Variants in NUP98 observed in about 807,000 individuals in gnomAD.
NUP98 encodes the protein nucleoporin 98 and 96 precursor, also known as nuclear pore complex protein Nup98-Nup96.
Under a neutral mutation model 191.9 loss-of-function variants are expected in NUP98, and 26 were observed. The ratio of observed to expected loss-of-function variants is 0.14; its 90% CI spans 0.10 to 0.19. The LOEUF is 0.19. Among genes scored for constraint, NUP98 ranks in the 10% least tolerant of loss-of-function variants. The pLI is 1.00. For synonymous variants in NUP98, 808 were observed against 778.4 expected, an observed-to-expected ratio of 1.04 and a Z score of -0.63; for missense variants, 1,941 against 2,178.8, an observed-to-expected ratio of 0.89 and a Z score of 2.17.
intron 16 of NUP98, among the ~76,000 whole-genome samples, chr11:3,721,634 G>A (rs1354789597): frequency 6.6e-6 from 1 of 152,038 alleles, no homozygotes; most frequent in East Asian, 1.9e-4. Flanking sequence ...GGGAGGCAGA[G>A]GATGCAGTGA....
At chr11:3,737,328 A>G (rs1255415554) in intron 12 of NUP98, among the ~76,000 whole-genome samples, 1 of 150,926 alleles carries the variant, frequency 6.6e-6, no homozygotes, top group African/African-American at 2.4e-5. Flanking sequence ...TAACAAAAAA[A>G]AAAAAAAAAA....
intron 12 of NUP98, among the ~76,000 whole-genome samples, chr11:3,741,124 T>C (rs1419409559): frequency 6.6e-6 from 1 of 151,434 alleles, no homozygotes; most frequent in Non-Finnish European, 1.5e-5. Flanking sequence ...GCCCAGCCTA[T>C]TTTTAATCTT....
chr11:3,774,562 T>C (rs1362557888), intron 5 of NUP98, among the ~76,000 whole-genome samples: 3 of 151,876 alleles, frequency 2.0e-5, no homozygotes, highest in African/African-American at 7.3e-5. Context: ...CCATCTCTAC[T>C]AAAAATACAA....
intron 2 of NUP98, 77 bp downstream of exon 2, chr11:3,781,945 TAAAAATAAAATTCCCACCTA>T: frequency 1.5e-6 from 1 of 684,552 alleles, no homozygotes; most frequent in South Asian, 2.2e-5. Context: ...AATATGAAAG[TAAAAATAAAATTCCCACCTA>T]AAGCTTATCA....
intron 1 of NUP98, among the ~76,000 whole-genome samples, chr11:3,794,624 G>C (rs558236895): frequency 4.6e-5 from 7 of 151,946 alleles, no homozygotes; most frequent in South Asian, 2.1e-4. Flanking sequence ...ACCACACCAC[G>C]CCTTTGTTTT....
At chr11:3,734,861 G>A (rs993080439) in intron 13 of NUP98, among the ~76,000 whole-genome samples, 4 of 152,034 alleles carry the variant, frequency 2.6e-5, no homozygotes, top group Non-Finnish European at 5.9e-5. Flanking sequence ...CCAGGAGTTC[G>A]ATACTAGCAA....
intron 29 of NUP98, among the ~76,000 whole-genome samples, chr11:3,685,242 A>G (rs184206866): frequency 8.3e-4 from 127 of 152,356 alleles, no homozygotes; most frequent in Non-Finnish European, 1.4e-3. Context: ...AACCGCAGTG[A>G]AAAGGCATTT....
rs183331015 is a variant in NUP98 at position 3,756,097 on chromosome 11, T to C, written c.1175-2689A>G. On this transcript the variant is annotated intron_variant, in intron 10 of 32. Transcript: ENST00000324932. ...GCCACAAAAATGGGGTGCTGCCTAC[T>C]CAAGCATCATCAATTTTCCTTGATG... Among the ~76,000 whole-genome samples, 7 of 152,344 alleles carry C rather than the reference T, an allele frequency of 4.6e-5. No individual in the cohort carries two copies. In the East Asian group the frequency reaches 1.3e-3, roughly 29 times the overall value.
chr11:3,771,259 G>A (rs964382224), intron 7 of NUP98, among the ~76,000 whole-genome samples: 1 of 152,118 alleles, frequency 6.6e-6, no homozygotes, highest in African/African-American at 2.4e-5. Flanking sequence ...GTCAATATAG[G>A]AGACTTCAGA....
At chr11:3,677,604 T>C (rs2077859139) in intron 31 of NUP98, among the ~76,000 whole-genome samples, 1 of 152,080 alleles carries the variant, frequency 6.6e-6, no homozygotes, top group South Asian at 2.1e-4. Context: ...ATTGCTGCTT[T>C]ACTTGTATGT....
At chr11:3,695,032 G>A (rs755343573) in intron 26 of NUP98, among the ~76,000 whole-genome samples, 6 of 152,110 alleles carry the variant, frequency 3.9e-5, no homozygotes, top group Non-Finnish European at 7.4e-5. Flanking sequence ...GTATGGTAGC[G>A]TGTGCCTGTA....
rs2078652761 is a variant in NUP98 at position 3,700,753 on chromosome 11, G to C, written c.3599C>G (p.Thr1200Arg). ...GTGTTTTAATTTGAGCTCCAGAGGT[G>C]TCTGATATAATTTCATGTCTTCATC... ...KPDEDMKLYQTPLELKLKHST... is the reference protein window; with the variant it reads ...KPDEDMKLYQRPLELKLKHST... The change falls in exon 24 of 33, where the codon ACA (threonine) becomes AGA (arginine). Residue 1200 changes from threonine (T) to arginine (R), a missense_variant. Physicochemically the swap from Thr to Arg is moderately conservative, Grantham distance 71. Around this residue, in one of 6 missense-constraint regions of NUP98, gnomAD observed 1,030 missense variants for 1,115.8 expected, o/e 0.92. Transcript: ENST00000324932. The C allele has an allele frequency of 6.2e-7, 1 of 1,613,998 alleles. No homozygotes were observed. Among genetic ancestry groups the C allele is most frequent in the African/African-American group, 1.3e-5 (1 of 74,924 alleles).
chr11:3,693,163 C>T, intron 27 of NUP98, 69 bp downstream of exon 27: 1 of 1,519,618 alleles, frequency 6.6e-7, no homozygotes, highest in Non-Finnish European at 9.1e-7. Flanking sequence ...GATTTCCTGG[C>T]TCCGCTTCAA....
At chr11:3,778,026 G>A (rs535136330) in intron 4 of NUP98, among the ~76,000 whole-genome samples, 180 of 151,366 alleles carry the variant, frequency 1.2e-3, no homozygotes, top group African/African-American at 4.1e-3. Flanking sequence ...GTGAAACCCC[G>A]TCTCTACAAA....
chr11:3,761,021 T>C (rs1318279954), intron 9 of NUP98, among the ~76,000 whole-genome samples: 3 of 152,220 alleles, frequency 2.0e-5, no homozygotes, highest in Admixed American at 1.3e-4. Context: ...ACATGCTACA[T>C]GGATGTTCCT....
chr11:3,775,019 T>A lies in NUP98; in HGVS notation c.495+863A>T, dbSNP rs368462228. ...CTGCACCTCCAGCATACCCTAAGAA[T>A]CCCCCAAACATTTACATCAAGTGGC... On this transcript the variant is annotated intron_variant, in intron 5 of 32. Transcript: ENST00000324932. Among the ~76,000 whole-genome samples, 15 of 152,184 alleles carry A rather than the reference T, an allele frequency of 9.9e-5. No homozygotes were observed. The East Asian group carries it at 2.5e-3, about 25-fold the overall frequency.
intron 1 of NUP98, among the ~76,000 whole-genome samples, chr11:3,788,144 CTT>C (rs911744986): frequency 6.6e-6 from 1 of 152,152 alleles, no homozygotes; most frequent in African/African-American, 2.4e-5. Flanking sequence ...AAAAAAATGT[CTT>C]GACTTTGCTC....
At chr11:3,767,337 AT>A (rs1011199568) in intron 8 of NUP98, among the ~76,000 whole-genome samples, 2 of 147,788 alleles carry the variant, frequency 1.4e-5, no homozygotes, top group Non-Finnish European at 3.0e-5. Context: ...TTTTTTTTTT[AT>A]TTTTTTTGGG....
chr11:3,793,121 A>G (rs750557785), intron 1 of NUP98, among the ~76,000 whole-genome samples: 20 of 152,200 alleles, frequency 1.3e-4, no homozygotes, highest in Non-Finnish European at 2.1e-4. Flanking sequence ...AAAAAAACAA[A>G]CAAATAAAAA....
Sources: allele counts gnomAD v4.1 joint callset (sites outside exome capture counted in the v4.1 genomes callset), GRCh38; gene constraint gnomAD v4.1.1; regional missense constraint gnomAD v4.1.1; transcripts MANE v1.5; gene names NCBI Gene and HGNC (gene_info 2026-07-23, HGNC 2026-07-21).